Variants in DGKD observed in about 807,000 individuals in gnomAD.
DGKD encodes the protein DAG kinase delta.
DGKD carries 68 observed loss-of-function variants against 154.4 expected under a neutral mutation model. The ratio of observed to expected loss-of-function variants is 0.44; its 90% CI spans 0.36 to 0.54. The LOEUF is 0.54. Among genes scored for constraint, DGKD ranks in the 20% least tolerant of loss-of-function variants. The pLI is 0.00. For synonymous variants in DGKD, 693 were observed against 638.0 expected (o/e 1.09, Z -1.30); for missense variants, 1,343 against 1,593.6 (o/e 0.84, Z 2.68).
chr2:233,354,922 CGGGCGCCGCGCGCT>C lies in DGKD; in HGVS notation c.156+254_156+267del, dbSNP rs1407138508. On this transcript the variant is annotated intron_variant, in intron 1 of 29. Coordinates refer to ENST00000264057, the MANE Select transcript of DGKD (RefSeq NM_152879.3). The surrounding 1 kb of genome is among the most constrained non-coding windows in gnomAD (Gnocchi z 4.8). ...GCGGGGGGCGCGCAGGTGGGCGCCC[CGGGCGCCGCGCGCT>C]GGGCGGGGGGCGCGCGCCGAGTTGG... Among the ~76,000 whole-genome samples the C allele has an allele frequency of 6.9e-6, 1 of 145,722 alleles. No homozygotes were observed. Among genetic ancestry groups the C allele is most frequent in the Non-Finnish European group, 1.5e-5 (1 of 65,810 alleles).
intron 3 of DGKD, among the ~76,000 whole-genome samples, chr2:233,432,187 C>T (rs546343362): frequency 7.0e-4 from 99 of 140,556 alleles, no homozygotes; most frequent in Middle Eastern, 3.5e-3. Context: ...GTCAGGAGAT[C>T]GTGACCATCC....
rs838723 is a variant in DGKD at position 233,397,373 on chromosome 2, T to A, written c.348+6890T>A. Reference sequence around the variant, plus strand: ...GAGGGGGGCAGCAGAGTGAGAGGACTCCAGAGGGGACCAGGGTGGCTGGCA... The same window carrying A: ...GAGGGGGGCAGCAGAGTGAGAGGACACCAGAGGGGACCAGGGTGGCTGGCA... On this transcript the variant is annotated intron_variant, in intron 3 of 29. Transcript: ENST00000264057. 5.6e-4 allele frequency among the ~76,000 whole-genome samples: 44 copies of A among 78,692 alleles called. 2 individuals are homozygous for A. The South Asian group carries it at 0.013, about 23-fold the overall frequency. 51.6% of individuals were successfully genotyped at this position (78,692 alleles called of 152,430 possible).
intron 18 of DGKD, among the ~76,000 whole-genome samples, chr2:233,454,061 C>T (rs1199505896): frequency 1.3e-5 from 2 of 152,330 alleles, no homozygotes; most frequent in Non-Finnish European, 2.9e-5. Context: ...TGGGCAGCTG[C>T]TGTGGGGAAT....
intron 3 of DGKD, among the ~76,000 whole-genome samples, chr2:233,430,202 C>G (rs1559536744): frequency 1.3e-5 from 2 of 152,218 alleles, no homozygotes; most frequent in South Asian, 2.1e-4. Flanking sequence ...TGCATTTACT[C>G]TTTGTCAGGG....
chr2:233,461,018 T>TAAA (rs750014036), intron 24 of DGKD, among the ~76,000 whole-genome samples: 4 of 137,568 alleles, frequency 2.9e-5, no homozygotes, highest in Middle Eastern at 3.7e-3. Context: ...AAGTTTACTT[T>TAAA]AAAAAAAAAA....
intron 1 of DGKD, among the ~76,000 whole-genome samples, chr2:233,369,381 T>C (rs946126843): frequency 5.3e-5 from 8 of 152,334 alleles, no homozygotes; most frequent in Non-Finnish European, 5.9e-5. Flanking sequence ...GTCAGCATCT[T>C]AGCTTGTTGT....
intron 3 of DGKD, among the ~76,000 whole-genome samples, chr2:233,422,693 A>G (rs2062159703): frequency 1.3e-5 from 2 of 152,016 alleles, no homozygotes; most frequent in African/African-American, 4.8e-5. Flanking sequence ...TTCTGGAGTT[A>G]CTCCTTGGTT....
At chr2:233,419,346 T>G (rs908578522) in intron 3 of DGKD, 2 of 985,388 alleles carry the variant, frequency 2.0e-6, no homozygotes, top group Non-Finnish European at 2.4e-6. Flanking sequence ...ACACCCAGTT[T>G]TTGTTTGTGC....
intron 28 of DGKD, among the ~76,000 whole-genome samples, chr2:233,468,219 T>C (rs1456778874): frequency 6.9e-6 from 1 of 145,520 alleles, no homozygotes; most frequent in East Asian, 2.0e-4. Context: ...TGCTGGGCTA[T>C]CTCAGGCACT....
chr2:233,447,616 C>T, intron 12 of DGKD: 6 of 989,528 alleles, frequency 6.1e-6, no homozygotes, highest in Non-Finnish European at 7.2e-6. Flanking sequence ...GGGCTGGGTC[C>T]TAAGGACAGC....
chr2:233,429,113 G>T (rs2062418862), intron 3 of DGKD: 2 of 985,366 alleles, frequency 2.0e-6, no homozygotes, highest in Non-Finnish European at 2.4e-6. Flanking sequence ...CCTTCAGTGT[G>T]TGGGTCAGGT....
chr2:233,445,669 G>C lies in DGKD; in HGVS notation c.1241G>C (p.Arg414Pro). The change falls in exon 11 of 30, where the codon CGA becomes CCA. Residue 414 changes from arginine (R) to proline (P), a missense_variant. Physicochemically the swap from Arg to Pro is moderately radical, Grantham distance 103. This residue lies in a region of DGKD where 56 missense variants were observed against 111.1 expected (regional missense o/e 0.50). Transcript: ENST00000264057. This position sits in a 1 kb window ranked among gnomAD's most constrained non-coding sequence, Gnocchi z 5.5. ...LPLGTGNDLA[R>P]VLGWGSACDD... is the part of the protein sequence containing the mutation. ...CTCGGCACAGGGAACGACTTGGCCC[G>C]AGTACTGGGCTGGGGCTCAGCCTGC... The C allele has an allele frequency of 6.2e-7, 1 of 1,613,376 alleles. No homozygotes were observed.
chr2:233,378,576 T>C (rs1306010023), intron 1 of DGKD, among the ~76,000 whole-genome samples: 1 of 152,192 alleles, frequency 6.6e-6, no homozygotes, highest in African/African-American at 2.4e-5. Flanking sequence ...AGTCTGATGG[T>C]GCAAATAGTA....
chr2:233,370,491 A>G, intron 1 of DGKD, among the ~76,000 whole-genome samples: 1 of 151,614 alleles, frequency 6.6e-6, no homozygotes, highest in African/African-American at 2.4e-5. Context: ...TCCTGGGATT[A>G]CATGCGTGAG....
chr2:233,456,846 T>A, intron 19 of DGKD, 53 bp from the exon 20 acceptor site: 1 of 1,388,678 alleles, frequency 7.2e-7, no homozygotes, highest in Non-Finnish European at 1.0e-6. Context: ...TGACTCTGGT[T>A]AACTATACGA....
intron 3 of DGKD, among the ~76,000 whole-genome samples, chr2:233,431,025 G>A (rs542668500): frequency 2.0e-5 from 3 of 152,278 alleles, no homozygotes; most frequent in East Asian, 3.9e-4. Flanking sequence ...AAATTGGAAA[G>A]GAAGAAGTCA....
chr2:233,469,519 C>A lies in DGKD; in HGVS notation c.*59C>A. The A allele has an allele frequency of 6.8e-7, 1 of 1,468,292 alleles. No individual in the cohort carries two copies. Among genetic ancestry groups the A allele is most frequent in the Non-Finnish European group, 9.3e-7 (1 of 1,074,982 alleles). 91.0% of individuals were successfully genotyped at this position (1,468,292 alleles called of 1,614,324 possible). ...CCGCCGCCGAGGCCTAGCCTCCGCC[C>A]TCTCAGCCTGTGGCCTCTGCGCCTC... On this transcript the variant is annotated 3_prime_UTR_variant, in exon 30 of 30. Coordinates refer to ENST00000264057, the MANE Select transcript of DGKD (RefSeq NM_152879.3).
intron 1 of DGKD, among the ~76,000 whole-genome samples, chr2:233,374,759 A>C (rs978076966): frequency 6.6e-6 from 1 of 152,108 alleles, no homozygotes; most frequent in Non-Finnish European, 1.5e-5. Context: ...TTTCTGCCCC[A>C]GTTTCCTTAG....
At position 233,365,427 on chromosome 2, in the gene DGKD, T is replaced by TGG. The variant is rs1354839210; in HGVS notation, c.156+10754_156+10755dup. Among the ~76,000 whole-genome samples the TGG allele has an allele frequency of 7.9e-5, 12 of 151,812 alleles. No homozygotes were observed. The East Asian group carries it at 1.4e-3, about 18-fold the overall frequency. On this transcript the variant is annotated intron_variant, in intron 1 of 29. Transcript: ENST00000264057. ...CTAATTTTTGTATTTTTAATAGAGA[T>TGG]GGAGGGGGGGTCTCACCGTCTTGGT...
Sources: gnomAD v4.1 joint callset for allele counts (sites outside exome capture counted in the v4.1 genomes callset) on GRCh38, gnomAD v4.1.1 for gene constraint, gnomAD v4.1.1 regional missense constraint, Gnocchi (gnomAD v3.1) non-coding constraint, MANE v1.5 for transcripts, NCBI Gene and HGNC (gene_info 2026-07-23, HGNC 2026-07-21) for gene names.